INPP5B: variants seen among roughly 807,000 people sequenced by gnomAD.
The protein encoded by INPP5B is type II inositol 1,4,5-trisphosphate 5-phosphatase.
Under a neutral mutation model 118.5 loss-of-function variants are expected in INPP5B, and 90 were observed. The ratio of observed to expected loss-of-function variants is 0.76; its 90% CI spans 0.64 to 0.90. The LOEUF (loss-of-function observed/expected upper bound fraction) is 0.90. Ranked by LOEUF, INPP5B falls within the 40% of genes least tolerant of loss-of-function variation. The pLI is 0.00. For synonymous variants in INPP5B, 385 were observed against 418.9 expected, an observed-to-expected ratio of 0.92 and a Z score of 0.99; for missense variants, 984 against 1,125.6, an observed-to-expected ratio of 0.87 and a Z score of 1.80.
intron 6 of INPP5B, among the ~76,000 whole-genome samples, chr1:37,936,814 G>A (rs1038655649): frequency 3.4e-5 from 5 of 148,046 alleles, no homozygotes; most frequent in South Asian, 2.3e-4. Context: ...TGATCCACCC[G>A]TCTAGGCCTT....
At chr1:37,926,549 TG>T (rs1393308046) in intron 7 of INPP5B, among the ~76,000 whole-genome samples, 2 of 152,308 alleles carry the variant, frequency 1.3e-5, no homozygotes, top group East Asian at 3.9e-4. Context: ...CTGAAAGTGC[TG>T]GGATTACAGG....
At chr1:37,895,575 C>T (rs1009312319) in intron 7 of INPP5B, among the ~76,000 whole-genome samples, 102 of 151,732 alleles carry the variant, frequency 6.7e-4, no homozygotes, top group African/African-American at 2.2e-3. Flanking sequence ...CGAAGCTGGA[C>T]GGTACTGCTG....
chr1:37,895,926 G>A lies in INPP5B; in HGVS notation c.533-4472C>T, dbSNP rs1181886828. 2.6e-5 allele frequency among the ~76,000 whole-genome samples: 4 copies of A among 152,296 alleles called. No individual in the cohort carries two copies. The East Asian group carries it at 5.8e-4, about 22-fold the overall frequency. On this transcript the variant is annotated intron_variant, in intron 7 of 23. Coordinates refer to ENST00000373024, the MANE Select transcript of INPP5B (RefSeq NM_005540.3). Reference sequence around the variant, plus strand: ...AGTGCTGAGATTGCAGCCTCTGCCCGGCCACCACCCCGTCTGGGAAGTGAG... The same window carrying A: ...AGTGCTGAGATTGCAGCCTCTGCCCAGCCACCACCCCGTCTGGGAAGTGAG...
intron 5 of INPP5B, among the ~76,000 whole-genome samples, 200 bp downstream of exon 5, chr1:37,943,440 T>G (rs28416760): frequency 2.0e-5 from 3 of 151,786 alleles, no homozygotes; most frequent in East Asian, 1.9e-4. Context: ...AGAATGTGTG[T>G]TATCGGGGGA....
chr1:37,892,289 T>C (rs999538620), intron 7 of INPP5B, among the ~76,000 whole-genome samples: 7 of 152,112 alleles, frequency 4.6e-5, no homozygotes, highest in African/African-American at 1.7e-4. Context: ...GGGTCAGAGA[T>C]TAAAACTGGA....
At chr1:37,932,630 G>A (rs1214833393) in intron 6 of INPP5B, among the ~76,000 whole-genome samples, 1 of 151,988 alleles carries the variant, frequency 6.6e-6, no homozygotes, top group Non-Finnish European at 1.5e-5. Flanking sequence ...GCCTCCCAAA[G>A]TGTTGGGATT....
At chr1:37,906,859 CAAAA>C (rs35095328) in intron 7 of INPP5B, among the ~76,000 whole-genome samples, 2 of 128,942 alleles carry the variant, frequency 1.6e-5, no homozygotes. Flanking sequence ...GACTCTGTCT[CAAAA>C]AAAAAAAAAA....
At chr1:37,926,547 G>C (rs1645237919) in intron 7 of INPP5B, among the ~76,000 whole-genome samples, 1 of 152,168 alleles carries the variant, frequency 6.6e-6, no homozygotes, top group Non-Finnish European at 1.5e-5. Flanking sequence ...CTCTGAAAGT[G>C]CTGGGATTAC....
At chr1:37,945,663 C>T in intron 3 of INPP5B, 93 bp downstream of exon 3, 1 of 822,334 alleles carries the variant, frequency 1.2e-6, no homozygotes, top group Middle Eastern at 2.3e-4. Flanking sequence ...AGACTCAGAC[C>T]CTGCCCTGGA....
Position 37,907,331 on chromosome 1 carries a change from G to T in INPP5B, c.533-15877C>A, listed in dbSNP as rs1260795400. Among the ~76,000 whole-genome samples, 1 of 152,166 alleles carries T rather than the reference G, an allele frequency of 6.6e-6. No homozygotes were observed. The highest frequency in any genetic ancestry group is 2.4e-5 in the African/African-American group (1 of 41,438). ...CTTGCCATACTGCTGCTTTCTGACT[G>T]AGCTCCTCTCTACCCTGAATACAAG... is the stretch of plus-strand genomic sequence containing the variant. On this transcript the variant is annotated intron_variant, in intron 7 of 23. Transcript: ENST00000373024. The surrounding 1 kb of genome is among the most constrained non-coding windows in gnomAD (Gnocchi z 4.3).
intron 7 of INPP5B, among the ~76,000 whole-genome samples, chr1:37,917,669 C>T (rs1644920928): frequency 6.6e-6 from 1 of 151,970 alleles, no homozygotes; most frequent in Non-Finnish European, 1.5e-5. Flanking sequence ...TTAAGTTTAG[C>T]CTGTAATCCC....
chr1:37,924,632 C>T lies in INPP5B; in HGVS notation c.532+7281G>A, dbSNP rs545741488. The stretch of plus-strand genomic sequence containing the variant: ...TTTAATATCGTACAAAGAGGTCAAG[C>T]GCGGTGGCTCATGCCTGTAATCCCA... On this transcript the variant is annotated intron_variant, in intron 7 of 23. Transcript: ENST00000373024. Among the ~76,000 whole-genome samples, 130 of 152,038 alleles carry T rather than the reference C, an allele frequency of 8.6e-4. 2 individuals carry two copies. In the South Asian group the frequency reaches 0.026, roughly 30 times the overall value.
At chr1:37,901,723 C>A (rs551888077) in intron 7 of INPP5B, among the ~76,000 whole-genome samples, 1 of 152,252 alleles carries the variant, frequency 6.6e-6, no homozygotes, top group African/African-American at 2.4e-5. Flanking sequence ...AGCCACAGGG[C>A]GGTCTTCTCG....
At chr1:37,893,096 T>C (rs1022743355) in intron 7 of INPP5B, among the ~76,000 whole-genome samples, 2 of 79,320 alleles carry the variant, frequency 2.5e-5, no homozygotes, top group Admixed American at 1.2e-4. Flanking sequence ...TTTTTTTTTT[T>C]TTTTTTTTTT....
In INPP5B at chr1:37,862,482, G is replaced by T. The variant is rs28542272; in HGVS notation, c.2627-52C>A. ...TGATTCAGCAAAAGAAGGTACTAAAGACACACATCACTTAACGACAGGGAT... is the reference window on the plus strand; with the variant it reads ...TGATTCAGCAAAAGAAGGTACTAAATACACACATCACTTAACGACAGGGAT... On this transcript the variant is annotated intron_variant, in intron 23 of 23. Transcript: ENST00000373024. 36,251 of 1,084,656 alleles carry T rather than the reference G, an allele frequency of 0.033. 2,870 individuals are homozygous for T. The highest frequency in any genetic ancestry group is 0.24 in the African/African-American group (15,618 of 65,414). 67.2% of individuals were successfully genotyped at this position (1,084,656 alleles called of 1,614,324 possible).
At chr1:37,895,637 C>T (rs548329254) in intron 7 of INPP5B, among the ~76,000 whole-genome samples, 108 of 152,152 alleles carry the variant, frequency 7.1e-4, no homozygotes, top group African/African-American at 2.4e-3. Flanking sequence ...CTCAGCTTGC[C>T]GAGTGCCTGC....
intron 15 of INPP5B, among the ~76,000 whole-genome samples, chr1:37,879,249 C>G (rs537915782): frequency 6.7e-6 from 1 of 148,738 alleles, no homozygotes; most frequent in East Asian, 2.1e-4. Flanking sequence ...TACAGCCTGG[C>G]GACAGAGTGA....
At chr1:37,881,892 G>A (rs547941561) in intron 14 of INPP5B, among the ~76,000 whole-genome samples, 1 of 152,180 alleles carries the variant, frequency 6.6e-6, no homozygotes, top group African/African-American at 2.4e-5. Context: ...GAGGTCAGGA[G>A]TTCGAGACCA....
intron 7 of INPP5B, among the ~76,000 whole-genome samples, chr1:37,900,532 C>T (rs1362986735): frequency 1.3e-5 from 2 of 151,724 alleles, no homozygotes; most frequent in African/African-American, 2.4e-5. Flanking sequence ...GGATTACAGG[C>T]GTGAGCCACT....
Sources: allele counts gnomAD v4.1 joint callset (sites outside exome capture counted in the v4.1 genomes callset), GRCh38; gene constraint gnomAD v4.1.1; non-coding constraint Gnocchi (gnomAD v3.1); transcripts MANE v1.5; gene names NCBI Gene and HGNC (gene_info 2026-07-23, HGNC 2026-07-21).